PLAA: variants seen among roughly 807,000 people sequenced by gnomAD.
PLAA encodes phospholipase A2 activating protein.
Under a neutral mutation model 84.1 loss-of-function variants are expected in PLAA, and 48 were observed. The observed-to-expected ratio is 0.57, with a 90% confidence interval of 0.45 to 0.73. The LOEUF (loss-of-function observed/expected upper bound fraction) is 0.73, where lower values mean the gene tolerates loss of function less well. Among genes scored for constraint, PLAA ranks in the 30% least tolerant of loss-of-function variants. The pLI, the probability that PLAA is intolerant of heterozygous loss-of-function variation, is 0.00. For missense variants in PLAA, 903 were observed against 954.7 expected (o/e 0.95, Z 0.71); for synonymous variants, 392 against 336.6 (o/e 1.16, Z -1.80).
At chr9:26,908,165 G>A (rs1000915785) in intron 12 of PLAA, among the ~76,000 whole-genome samples, 167 bp from the exon 13 acceptor site, 8 of 145,772 alleles carry the variant, frequency 5.5e-5, no homozygotes, top group Non-Finnish European at 7.5e-5. Context: ...TATGAGCTTT[G>A]TCTTTTTTTT....
intron 9 of PLAA, 142 bp from the exon 10 acceptor site, chr9:26,917,307 T>C (rs917179674): frequency 3.2e-6 from 2 of 620,502 alleles, no homozygotes; most frequent in Admixed American, 6.0e-5. Flanking sequence ...ACAGAAACTA[T>C]AGTCAGAAGT....
intron 11 of PLAA, 48 bp downstream of exon 11, chr9:26,913,831 C>A (rs80262754): frequency 3.7e-6 from 5 of 1,350,586 alleles, no homozygotes; most frequent in South Asian, 1.3e-5. Flanking sequence ...AAAGTTCCAA[C>A]GAATTTTTAA....
chr9:26,915,880 C>A, intron 10 of PLAA: 2 of 985,356 alleles, frequency 2.0e-6, no homozygotes, highest in Non-Finnish European at 2.4e-6. Flanking sequence ...TTTGGATTCT[C>A]ACTTGGTATT....
At chr9:26,918,152 C>G (rs1824627803) in intron 9 of PLAA, among the ~76,000 whole-genome samples, 1 of 151,980 alleles carries the variant, frequency 6.6e-6, no homozygotes, top group African/African-American at 2.4e-5. Flanking sequence ...TGCACTATCG[C>G]CCAGGTTGGA....
intron 13 of PLAA, 49 bp downstream of exon 13, chr9:26,907,785 G>A (rs1824281776): frequency 4.1e-6 from 6 of 1,475,990 alleles, no homozygotes; most frequent in Non-Finnish European, 4.6e-6. Context: ...TAGAAATGAA[G>A]ATAAAACTTC....
At chr9:26,938,369 G>C (rs1448837166) in intron 1 of PLAA, among the ~76,000 whole-genome samples, 1 of 151,924 alleles carries the variant, frequency 6.6e-6, no homozygotes, top group East Asian at 1.9e-4. Flanking sequence ...GGTCAACATA[G>C]CGAAACCCCA....
intron 2 of PLAA, among the ~76,000 whole-genome samples, chr9:26,931,443 T>C (rs1825182499): frequency 6.6e-6 from 1 of 152,200 alleles, no homozygotes; most frequent in South Asian, 2.1e-4. Flanking sequence ...ATGGGAACTT[T>C]ATAATGAAAG....
intron 4 of PLAA, 125 bp from the exon 5 acceptor site, chr9:26,926,685 C>CTT: frequency 1.5e-6 from 1 of 668,570 alleles, no homozygotes; most frequent in African/African-American, 1.8e-5. Context: ...TTAGAGAAAT[C>CTT]TTTTTTTTTG....
At chr9:26,938,417 T>C (rs1006984611) in intron 1 of PLAA, among the ~76,000 whole-genome samples, 3 of 152,096 alleles carry the variant, frequency 2.0e-5, no homozygotes, top group Non-Finnish European at 4.4e-5. Context: ...CTAGGTGTGA[T>C]AGTACACACC....
chr9:26,938,310 C>G (rs192959631), intron 1 of PLAA, among the ~76,000 whole-genome samples: 68 of 152,238 alleles, frequency 4.5e-4, no homozygotes, highest in Non-Finnish European at 8.2e-4. Context: ...AAGTTGGAGG[C>G]TGCAGAGTGC....
At position 26,907,561 on chromosome 9, in the gene PLAA, C is replaced by CA. The variant is rs527737059; in HGVS notation, c.1822+272dup. 150 of 340,100 alleles carry CA rather than the reference C, an allele frequency of 4.4e-4. 1 individual carries two copies. The East Asian group carries it at 9.3e-3, about 21-fold the overall frequency. 21.1% of individuals were successfully genotyped at this position (340,100 alleles called of 1,614,324 possible). ...TTTCAAAAACAAAAACAAAACAAAA[C>CA]AAAAAAACAAAGAAAACAAACAACA... On this transcript the variant is annotated intron_variant, in intron 13 of 13. Coordinates refer to ENST00000397292, the MANE Select transcript of PLAA (RefSeq NM_001031689.3).
chr9:26,944,254 GA>G (rs1412969563), intron 1 of PLAA, among the ~76,000 whole-genome samples: 1 of 152,154 alleles, frequency 6.6e-6, no homozygotes, highest in African/African-American at 2.4e-5. Context: ...CCGATACCTT[GA>G]TAATGGACTT....
chr9:26,940,363 T>C (rs1426531308), intron 1 of PLAA, among the ~76,000 whole-genome samples: 2 of 152,188 alleles, frequency 1.3e-5, no homozygotes, highest in African/African-American at 2.4e-5. Flanking sequence ...GGAAGAACCT[T>C]GAGGACATTG....
rs370266457 is a variant in PLAA, at chr9:26,934,982, T to C, written c.343+31A>G. ...ACTTTCAAAGGGATAAAACTTCAAA[T>C]AGAAAAACACCAAAGCATTATTATA... On this transcript the variant is annotated intron_variant, in intron 2 of 13. Coordinates refer to ENST00000397292, the MANE Select transcript of PLAA (RefSeq NM_001031689.3). The C allele has an allele frequency of 2.3e-5, 33 of 1,443,476 alleles. No individual in the cohort carries two copies. The Admixed American group carries it at 2.5e-4, about 11-fold the overall frequency. The allele number at this position is 1,443,476 out of a possible 1,614,324, so 89.4% of individuals were successfully genotyped here. A position where few individuals can be genotyped will look rare whatever the true frequency, so the allele number is the denominator to read the frequency against.
intron 12 of PLAA, among the ~76,000 whole-genome samples, chr9:26,909,995 A>G (rs1325358318): frequency 3.9e-5 from 6 of 152,250 alleles, no homozygotes; most frequent in South Asian, 2.1e-4. Flanking sequence ...TCTTTTAAAG[A>G]TAAGATCTTA....
At chr9:26,906,663 G>C (rs1587145231) in intron 13 of PLAA, among the ~76,000 whole-genome samples, 1 of 151,954 alleles carries the variant, frequency 6.6e-6, no homozygotes, top group African/African-American at 2.4e-5. Context: ...CCTGACTTCA[G>C]GTGATCTACC....
Position 26,925,892 on chromosome 9 carries a change from G to A in PLAA, c.802C>T (p.Arg268Ter), listed in dbSNP as rs756356161. Residue 268 changes from arginine (R) to a stop codon, truncating the protein, a stop_gained, in exon 6 of 14, where the codon CGA (arginine) becomes TGA (stop). Transcript: ENST00000397292. LOFTEE classifies it high-confidence loss of function. ...WKHGECAQTI[R>*]LPAQSIWCCC... is the part of the protein sequence containing the mutation. ...CACCATATAGACTGAGCTGGAAGTCGGATAGTTTGAGCACATTCCCCATGT... is the reference window on the plus strand; with the variant it reads ...CACCATATAGACTGAGCTGGAAGTCAGATAGTTTGAGCACATTCCCCATGT... 2.5e-6 allele frequency: 4 copies of A among 1,613,386 alleles called. No homozygotes were observed. The highest frequency in any genetic ancestry group is 2.7e-5 in the African/African-American group (2 of 74,892).
intron 12 of PLAA, among the ~76,000 whole-genome samples, chr9:26,909,689 C>T (rs553301280): frequency 1.5e-4 from 23 of 151,326 alleles, no homozygotes; most frequent in African/African-American, 5.6e-4. Context: ...GGCGCGATCT[C>T]GGGCTCACTG....
Position 26,947,054 on chromosome 9 carries a change from T to A in PLAA, c.-9A>T. ...GTTGCGCCGCTCGTCATGGCCAGTG[T>A]CTGTCTGGCGCCCGGTGCCCAGGCA... On this transcript the variant is annotated 5_prime_UTR_variant, in exon 1 of 14. Coordinates refer to ENST00000397292, the MANE Select transcript of PLAA (RefSeq NM_001031689.3). 1 of 1,569,800 alleles carries A rather than the reference T, an allele frequency of 6.4e-7. No individual in the cohort carries two copies. Among genetic ancestry groups the A allele is most frequent in the South Asian group, 1.2e-5 (1 of 84,724 alleles).
Sources: gnomAD v4.1 joint callset for allele counts (sites outside exome capture counted in the v4.1 genomes callset) on GRCh38, gnomAD v4.1.1 for gene constraint, MANE v1.5 for transcripts, NCBI Gene and HGNC (gene_info 2026-07-23, HGNC 2026-07-21) for gene names.